Variants in LILRA2 observed in about 807,000 individuals in gnomAD.
The protein encoded by LILRA2 is leukocyte immunoglobulin like receptor A2.
Under a neutral mutation model 47.9 loss-of-function variants are expected in LILRA2, and 45 were observed. The ratio of observed to expected loss-of-function variants is 0.94; its 90% CI spans 0.74 to 1.20. The LOEUF (loss-of-function observed/expected upper bound fraction) is 1.20. Ranked by LOEUF, LILRA2 falls within the 50% of genes most tolerant of loss-of-function variation. The pLI is 0.00. For missense variants in LILRA2, 651 were observed against 598.2 expected (o/e 1.09, Z -0.92); for synonymous variants, 279 against 249.2 (o/e 1.12, Z -1.13).
chr19:54,580,247 T>G (rs2062608365), intron 6 of LILRA2, among the ~76,000 whole-genome samples: 1 of 127,970 alleles, frequency 7.8e-6, no homozygotes, highest in Non-Finnish European at 1.6e-5. Flanking sequence ...CATGTGCACA[T>G]TGTGCAGGTT....
chr19:54,588,354 A>C lies in LILRA2; in HGVS notation c.*1008A>C, dbSNP rs2062867494. 1 of 151,208 alleles carries C rather than the reference A, an allele frequency of 6.6e-6. No homozygotes were observed. Among genetic ancestry groups the C allele is most frequent in the Non-Finnish European group, 1.5e-5 (1 of 67,896 alleles). The allele number at this position is 151,208 out of a possible 1,614,324, so 9.4% of individuals were successfully genotyped here. Reference sequence around the variant, plus strand: ...CGCGGTGGCTCACGCCTGTAATCCCAGCACTTTGGGAGGCCAAGGCAGGCA... The same window carrying C: ...CGCGGTGGCTCACGCCTGTAATCCCCGCACTTTGGGAGGCCAAGGCAGGCA... On this transcript the variant is annotated 3_prime_UTR_variant, in exon 8 of 8. Transcript: ENST00000391738.
rs528960447 is a variant in LILRA2, at chr19:54,574,891, T to C, written c.513T>C (p.His171=). Residue 171 remains histidine (H), a synonymous_variant, in exon 4 of 8, where the codon CAT becomes CAC. Coordinates refer to ENST00000391738, the MANE Select transcript of LILRA2 (RefSeq NM_001130917.3). ...CACAACGCCTGAACTCCCATTCCCA[T>C]GCCCGTGGGTGGTCCTGGGCCATCT... ...EHPQRLNSHS[H]ARGWSWAIFS... The C allele has an allele frequency of 4.3e-6, 7 of 1,613,870 alleles. No homozygotes were observed. The highest frequency in any genetic ancestry group is 1.3e-5 in the African/African-American group (1 of 75,078).
rs747971087 is a variant in LILRA2, at chr19:54,574,285, T to C, written c.71-16T>C. ...GTGGGAAATGACTTAGAATCCGACCTCTGATTTCCTTCCAGGGCACCTCCC... is the reference window on the plus strand; with the variant it reads ...GTGGGAAATGACTTAGAATCCGACCCCTGATTTCCTTCCAGGGCACCTCCC... On this transcript the variant is annotated splice_polypyrimidine_tract_variant and intron_variant, in intron 2 of 7. Coordinates refer to ENST00000391738, the MANE Select transcript of LILRA2 (RefSeq NM_001130917.3). 216 of 1,613,844 alleles carry C rather than the reference T, an allele frequency of 1.3e-4. No homozygotes were observed. Among genetic ancestry groups the C allele is most frequent in the Non-Finnish European group, 1.7e-4 (204 of 1,179,926 alleles).
At chr19:54,583,315 C>A (rs1472289640) in intron 6 of LILRA2, among the ~76,000 whole-genome samples, 1 of 152,156 alleles carries the variant, frequency 6.6e-6, no homozygotes, top group African/African-American at 2.4e-5. Context: ...GACCTGAGTT[C>A]AAGTCCTGGA....
chr19:54,576,473 C>CAAAAA (rs1415845188), intron 6 of LILRA2, among the ~76,000 whole-genome samples: 3 of 150,774 alleles, frequency 2.0e-5, no homozygotes, highest in African/African-American at 4.9e-5. Context: ...CCATGGGTGA[C>CAAAAA]AAAACCAGCC....
At chr19:54,577,323 G>A (rs1244318366) in intron 6 of LILRA2, 1 of 502,718 alleles carries the variant, frequency 2.0e-6, no homozygotes, top group South Asian at 2.0e-5. Context: ...AGGAGAACAG[G>A]CTGGGTGGGG....
At chr19:54,581,988 C>A (rs902832174) in intron 6 of LILRA2, among the ~76,000 whole-genome samples, 9 of 152,046 alleles carry the variant, frequency 5.9e-5, no homozygotes, top group African/African-American at 2.2e-4. Flanking sequence ...GCATGAAGGG[C>A]TGTTGAATTT....
rs532604914 is a variant in LILRA2, at chr19:54,587,348, C to A, written c.*2C>A. 2 of 1,614,140 alleles carry A rather than the reference C, an allele frequency of 1.2e-6. No homozygotes were observed. Among genetic ancestry groups the A allele is most frequent in the Non-Finnish European group, 1.7e-6 (2 of 1,180,022 alleles). ...CTACAAGATGCAGCCGGGAGGTGAACAGCAGAGAGGACAATGCATCCTTCA... is the reference window on the plus strand; with the variant it reads ...CTACAAGATGCAGCCGGGAGGTGAAAAGCAGAGAGGACAATGCATCCTTCA... On this transcript the variant is annotated 3_prime_UTR_variant, in exon 8 of 8. Coordinates refer to ENST00000391738, the MANE Select transcript of LILRA2 (RefSeq NM_001130917.3).
In LILRA2 at chr19:54,589,627, A is replaced by G. The variant is rs372302972; in HGVS notation, c.*2281A>G. The G allele has an allele frequency of 1.3e-5, 2 of 152,366 alleles. No homozygotes were observed. Among genetic ancestry groups the G allele is most frequent in the East Asian group, 3.9e-4 (2 of 5,190 alleles). 9.4% of individuals were successfully genotyped at this position (152,366 alleles called of 1,614,324 possible). A position where few individuals can be genotyped will look rare whatever the true frequency, so the allele number is the denominator to read the frequency against. On this transcript the variant is annotated 3_prime_UTR_variant, in exon 8 of 8. Coordinates refer to ENST00000391738, the MANE Select transcript of LILRA2 (RefSeq NM_001130917.3). The stretch of plus-strand genomic sequence containing the variant: ...AAAGTCATCCCAGTATCATAAATCA[A>G]AAGGCTTAAAATTAGTTATCTCCCT...
At position 54,574,136 on chromosome 19, in the gene LILRA2, G is replaced by T. The variant is rs4099571; in HGVS notation, c.70+25G>T. 2.4e-3 allele frequency: 3,693 copies of T among 1,542,682 alleles called. 9 individuals carry two copies. In the African/African-American group the frequency reaches 0.044, roughly 18 times the overall value. On this transcript the variant is annotated intron_variant, in intron 2 of 7. Transcript: ENST00000391738. ...GGTGAGTCTGTTCCCAGCTGTCCCA[G>T]GTCCCTCCTCCTCACTAGGGACAAG...
rs949932208 is a variant in LILRA2 at position 54,589,830 on chromosome 19, C to T, written c.*2484C>T. The T allele has an allele frequency of 2.0e-5, 3 of 152,134 alleles. No individual in the cohort carries two copies. Among genetic ancestry groups the T allele is most frequent in the South Asian group, 2.1e-4 (1 of 4,720 alleles). The allele number at this position is 152,134 out of a possible 1,614,324, so 9.4% of individuals were successfully genotyped here. ...TACTCACCATTTTGACTCCTCTTAA[C>T]GAGACAGGCACATGCCAGCTGTTTC... On this transcript the variant is annotated 3_prime_UTR_variant, in exon 8 of 8. Coordinates refer to ENST00000391738, the MANE Select transcript of LILRA2 (RefSeq NM_001130917.3).
At chr19:54,586,597 G>A (rs986497854) in intron 6 of LILRA2, among the ~76,000 whole-genome samples, 12 of 152,122 alleles carry the variant, frequency 7.9e-5, no homozygotes, top group African/African-American at 2.2e-4. Flanking sequence ...CTCAGCTGGC[G>A]GATCCGTGAA....
intron 6 of LILRA2, among the ~76,000 whole-genome samples, chr19:54,583,259 T>C (rs1355944455): frequency 6.6e-6 from 1 of 152,194 alleles, no homozygotes; most frequent in Non-Finnish European, 1.5e-5. Context: ...TTCTGTTGAT[T>C]TGGGGTGTAG....
At chr19:54,577,948 A>G (rs2062522884) in intron 6 of LILRA2, among the ~76,000 whole-genome samples, 1 of 152,028 alleles carries the variant, frequency 6.6e-6, no homozygotes, top group Non-Finnish European at 1.5e-5. Context: ...ATGTAGAAAC[A>G]AATTTCTCAT....
intron 6 of LILRA2, among the ~76,000 whole-genome samples, chr19:54,579,283 G>A (rs28823036): frequency 0.068 from 10,358 of 152,132 alleles, 1,188 homozygotes; most frequent in African/African-American, 0.23. Context: ...CTTAATTATC[G>A]TATAGGGTGT....
chr19:54,585,908 C>T (rs1201191520), intron 6 of LILRA2, among the ~76,000 whole-genome samples: 2 of 152,126 alleles, frequency 1.3e-5, no homozygotes, highest in Admixed American at 6.5e-5. Flanking sequence ...GAAGCGACAC[C>T]TATATTTTTT....
At chr19:54,578,197 G>C (rs961575246) in intron 6 of LILRA2, among the ~76,000 whole-genome samples, 1 of 151,914 alleles carries the variant, frequency 6.6e-6, no homozygotes, top group African/African-American at 2.4e-5. Flanking sequence ...TGTTACGTAG[G>C]TATACAGGTG....
At chr19:54,576,152 C>T (rs1306728435) in intron 6 of LILRA2, 43 bp downstream of exon 6, 3 of 1,608,772 alleles carry the variant, frequency 1.9e-6, no homozygotes, top group East Asian at 2.2e-5. Flanking sequence ...AAAGGCTCAG[C>T]TCAGGCCCTG....
intron 6 of LILRA2, among the ~76,000 whole-genome samples, chr19:54,576,401 C>T (rs1015899712): frequency 6.6e-6 from 1 of 152,236 alleles, no homozygotes; most frequent in African/African-American, 2.4e-5. Flanking sequence ...CACCCGCTCC[C>T]CTCCTGATGT....
Sources: allele counts gnomAD v4.1 joint callset (sites outside exome capture counted in the v4.1 genomes callset), GRCh38; gene constraint gnomAD v4.1.1; transcripts MANE v1.5; gene names NCBI Gene and HGNC (gene_info 2026-07-23, HGNC 2026-07-21).